The following CA9 variants were observed in gnomAD, a reference collection of about 807,000 sequenced individuals.
The protein encoded by CA9 is carbonic anhydrase 9.
A neutral mutation model predicts 51.8 loss-of-function variants in CA9; 43 were observed. That is an observed-to-expected ratio of 0.83 (90% CI 0.65 to 1.07). CA9 has a LOEUF of 1.07. Ranked by LOEUF, CA9 falls within the 50% of genes least tolerant of loss-of-function variation. CA9 has a pLI of 0.00. For synonymous variants in CA9, 253 were observed against 244.2 expected, an observed-to-expected ratio of 1.04 and a Z score of -0.34; for missense variants, 574 against 581.4, an observed-to-expected ratio of 0.99 and a Z score of 0.13.
intron 6 of CA9, among the ~76,000 whole-genome samples, chr9:35,678,271 G>A (rs983770832): frequency 3.3e-5 from 5 of 151,350 alleles, no homozygotes; most frequent in African/African-American, 4.9e-5. Context: ...GCATGAACCC[G>A]GGAGGCAGAA....
At chr9:35,679,403 G>A (rs1824486312) in intron 7 of CA9, 61 bp downstream of exon 7, 2 of 1,545,682 alleles carry the variant, frequency 1.3e-6, no homozygotes, top group Non-Finnish European at 1.8e-6. Flanking sequence ...AAGATGAGAT[G>A]AGAAACAGGA....
intron 7 of CA9, 100 bp downstream of exon 7, chr9:35,679,442 G>A (rs1824487131): frequency 2.1e-6 from 3 of 1,436,516 alleles, no homozygotes; most frequent in Non-Finnish European, 2.8e-6. Context: ...TGGGCTCTGT[G>A]GCTTACGCCT....
Position 35,679,837 on chromosome 9 carries a change from T to C in CA9, c.1066-17T>C. Reference sequence around the variant, plus strand: ...TCATGCCATGAACCCACCCACACTGTCCACTGACCTCCCTAGCTCCACACC... The same window carrying C: ...TCATGCCATGAACCCACCCACACTGCCCACTGACCTCCCTAGCTCCACACC... On this transcript the variant is annotated splice_polypyrimidine_tract_variant and intron_variant, in intron 7 of 10. Transcript: ENST00000378357. 3 of 1,583,144 alleles carry C rather than the reference T, an allele frequency of 1.9e-6. No homozygotes were observed. Among genetic ancestry groups the C allele is most frequent in the Non-Finnish European group, 1.7e-6 (2 of 1,165,794 alleles).
intron 2 of CA9, 59 bp from the exon 3 acceptor site, chr9:35,675,702 G>A (rs931671690): frequency 6.2e-5 from 57 of 915,998 alleles, no homozygotes; most frequent in Non-Finnish European, 8.8e-5. Flanking sequence ...TTTTCTACCC[G>A]GGTTCCCTAA....
At chr9:35,677,334 G>C (rs1309814252) in intron 5 of CA9, among the ~76,000 whole-genome samples, 2 of 152,152 alleles carry the variant, frequency 1.3e-5, no homozygotes, top group Non-Finnish European at 2.9e-5. Context: ...CACCTGAAAA[G>C]CCAAACACAG....
rs757564068 is a variant in CA9, at chr9:35,676,338, C to T, written c.789C>T (p.Asp263=). The T allele has an allele frequency of 1.4e-5, 23 of 1,614,024 alleles. No homozygotes were observed. Among genetic ancestry groups the T allele is most frequent in the Middle Eastern group, 1.7e-4 (1 of 6,060 alleles). ...TCAGCACCGCCTTTGCCAGAGTTGA[C>T]GAGGCCTTGGGGCGCCCGGGAGGCC... ...VHLSTAFARV[D]EALGRPGGLA... is the part of the protein sequence containing the mutation. Residue 263 remains aspartate (D), a synonymous_variant, in exon 5 of 11, where the codon GAC becomes GAT. Coordinates refer to ENST00000378357, the MANE Select transcript of CA9 (RefSeq NM_001216.3).
Position 35,676,377 on chromosome 9 carries a change from C to T in CA9, c.828C>T (p.Ala276=), listed in dbSNP as rs1204895346. ...LGRPGGLAVL[A]AFLEEGPEEN... ...GCCCGGGAGGCCTGGCCGTGTTGGCCGCCTTTCTGGAGGTACCAGATCCTG... is the reference window on the plus strand; with the variant it reads ...GCCCGGGAGGCCTGGCCGTGTTGGCTGCCTTTCTGGAGGTACCAGATCCTG... Residue 276 remains alanine (A), a synonymous_variant, in exon 5 of 11, where the codon GCC becomes GCT. Coordinates refer to ENST00000378357, the MANE Select transcript of CA9 (RefSeq NM_001216.3). 1 of 1,613,416 alleles carries T rather than the reference C, an allele frequency of 6.2e-7. No homozygotes were observed. Among genetic ancestry groups the T allele is most frequent in the Non-Finnish European group, 8.5e-7 (1 of 1,179,636 alleles).
At position 35,674,042 on chromosome 9, in the gene CA9, C is replaced by G; in HGVS notation, c.83C>G (p.Ser28Ter). Reference protein sequence around the residue: ...APGLTVQLLLSLLLLVPVHPQ... With the variant: ...APGLTVQLLL ...GGCCTCACTGTGCAACTGCTGCTGT[C>G]ACTGCTGCTTCTGGTGCCTGTCCAT... The change falls in exon 1 of 11, where the codon TCA becomes TGA. Residue 28 changes from serine (S) to a stop codon, truncating the protein, a stop_gained. Coordinates refer to ENST00000378357, the MANE Select transcript of CA9 (RefSeq NM_001216.3). LOFTEE classifies it high-confidence loss of function. The G allele has an allele frequency of 6.2e-7, 1 of 1,614,192 alleles. No homozygotes were observed.
intron 1 of CA9, 137 bp from the exon 2 acceptor site, chr9:35,675,393 TCTCCTGTG>T (rs1369716719): frequency 4.9e-6 from 4 of 820,302 alleles, no homozygotes; most frequent in Non-Finnish European, 8.1e-6. Context: ...TTGGGTGCGG[TCTCCTGTG>T]CTTTGCACCT....
rs765108061 is a variant in CA9, at chr9:35,680,018, C to T, written c.1210+20C>T. 25 of 1,613,876 alleles carry T rather than the reference C, an allele frequency of 1.5e-5. No individual in the cohort carries two copies. In the South Asian group the frequency reaches 2.0e-4, roughly 13 times the overall value. ...AGCCAGGTACAGCTTTGTCTGGTTTCCCCCCAGCCAGTAGTCCCTTATCCT... is the reference window on the plus strand; with the variant it reads ...AGCCAGGTACAGCTTTGTCTGGTTTTCCCCCAGCCAGTAGTCCCTTATCCT... On this transcript the variant is annotated intron_variant, in intron 8 of 10. Coordinates refer to ENST00000378357, the MANE Select transcript of CA9 (RefSeq NM_001216.3).
rs773820527 is a variant in CA9, at chr9:35,677,885, CTG to C, written c.907+32_907+33del. The C allele has an allele frequency of 3.1e-6, 5 of 1,588,368 alleles. No individual in the cohort carries two copies. The Admixed American group carries it at 5.0e-5, about 16-fold the overall frequency. On this transcript the variant is annotated intron_variant, in intron 6 of 10. Coordinates refer to ENST00000378357, the MANE Select transcript of CA9 (RefSeq NM_001216.3). ...AGTTTGTTGGTCTGGCCACTAATCT[CTG>C]TGGCCTAGTTCATAAAGAATCACCC...
At chr9:35,676,456 G>A (rs1421756431) in intron 5 of CA9, 67 bp downstream of exon 5, 3 of 1,309,110 alleles carry the variant, frequency 2.3e-6, no homozygotes, top group Non-Finnish European at 3.2e-6. Flanking sequence ...ACTCTATCGT[G>A]GAGCCAGAGA....
chr9:35,677,911 C>G, intron 6 of CA9, 55 bp downstream of exon 6: 1 of 1,487,776 alleles, frequency 6.7e-7, no homozygotes, highest in Non-Finnish European at 9.4e-7. Flanking sequence ...AAAGAATCAC[C>G]CTTTGGAGCT....
intron 7 of CA9, 106 bp from the exon 8 acceptor site, chr9:35,679,748 C>T (rs1181349218): frequency 1.9e-6 from 2 of 1,052,214 alleles, no homozygotes; most frequent in Non-Finnish European, 2.8e-6. Context: ...ATGGGGAATA[C>T]AGGAGCTGGA....
chr9:35,680,463 G>A (rs1824521882), intron 9 of CA9, among the ~76,000 whole-genome samples: 1 of 152,156 alleles, frequency 6.6e-6, no homozygotes, highest in African/African-American at 2.4e-5. Context: ...CCTAGGCTCA[G>A]GCAATCCTTT....
Position 35,681,095 on chromosome 9 carries a change from C to A in CA9, c.*70C>A. 2 of 1,271,730 alleles carry A rather than the reference C, an allele frequency of 1.6e-6. No homozygotes were observed. The highest frequency in any genetic ancestry group is 1.4e-5 in the South Asian group (1 of 69,652). 78.8% of individuals were successfully genotyped at this position (1,271,730 alleles called of 1,614,324 possible). On this transcript the variant is annotated 3_prime_UTR_variant, in exon 11 of 11. Transcript: ENST00000378357. Reference sequence around the variant, plus strand: ...AGGGGGAGCCGGTAACTGTCCTGTCCTGCTCATTATGCCACTTCCTTTTAA... The same window carrying A: ...AGGGGGAGCCGGTAACTGTCCTGTCATGCTCATTATGCCACTTCCTTTTAA...
intron 1 of CA9, chr9:35,674,621 G>GA (rs1824381971): frequency 2.4e-6 from 1 of 415,080 alleles, no homozygotes; most frequent in South Asian, 4.8e-5. Context: ...CTGGAGAAGA[G>GA]AAAGGGATGA....
intron 2 of CA9, 39 bp downstream of exon 2, chr9:35,675,606 C>G (rs1824400142): frequency 6.2e-7 from 1 of 1,612,550 alleles, no homozygotes; most frequent in African/African-American, 1.3e-5. Flanking sequence ...AATCTGGGAA[C>G]CCAGCTCTGT....
intron 5 of CA9, 29 bp from the exon 6 acceptor site, chr9:35,677,761 C>T (rs771697008): frequency 3.1e-6 from 5 of 1,590,648 alleles, no homozygotes; most frequent in African/African-American, 1.3e-5. Context: ...GATACATGCA[C>T]TCATCTGTCT....
Sources: allele counts gnomAD v4.1 joint callset (sites outside exome capture counted in the v4.1 genomes callset), GRCh38; gene constraint gnomAD v4.1.1; transcripts MANE v1.5; gene names NCBI Gene and HGNC (gene_info 2026-07-23, HGNC 2026-07-21).